The following MMP26 variants were observed in gnomAD, a reference collection of about 807,000 sequenced individuals.
MMP26 encodes matrix metalloproteinase-26.
A neutral mutation model predicts 31.0 loss-of-function variants in MMP26; 33 were observed. The ratio of observed to expected loss-of-function variants is 1.06; its 90% CI spans 0.81 to 1.42. The LOEUF (loss-of-function observed/expected upper bound fraction) is 1.42. Ranked by LOEUF, MMP26 falls within the 40% of genes most tolerant of loss-of-function variation. The probability of loss-of-function intolerance (pLI) is 0.00; values close to 1 mark genes in which losing one functional copy is unlikely to be tolerated. For missense variants in MMP26, 347 were observed against 316.1 expected, an observed-to-expected ratio of 1.10 and a Z score of -0.74; for synonymous variants, 122 against 114.9, an observed-to-expected ratio of 1.06 and a Z score of -0.40.
chr11:4,885,894 A>C (rs1412994284), intron 2 of MMP26, among the ~76,000 whole-genome samples: 1 of 152,062 alleles, frequency 6.6e-6, no homozygotes, highest in East Asian at 1.9e-4. Flanking sequence ...ATGCTTTCTT[A>C]GGTGTATGAT....
intron 2 of MMP26, among the ~76,000 whole-genome samples, chr11:4,984,550 A>C (rs1297351460): frequency 1.3e-5 from 2 of 152,130 alleles, no homozygotes; most frequent in Non-Finnish European, 2.9e-5. Context: ...TATTAATTTA[A>C]TGAATAATGG....
intron 2 of MMP26, among the ~76,000 whole-genome samples, chr11:4,785,096 C>A (rs563307446): frequency 6.6e-6 from 1 of 151,992 alleles, no homozygotes; most frequent in Non-Finnish European, 1.5e-5. Flanking sequence ...ACTGGTGTGA[C>A]CATCTCTGCA....
chr11:4,792,290 T>C (rs1038263328), intron 2 of MMP26, among the ~76,000 whole-genome samples: 2 of 152,110 alleles, frequency 1.3e-5, no homozygotes, highest in Non-Finnish European at 2.9e-5. Flanking sequence ...ATGATAATTA[T>C]GGAATTATTT....
rs573100435 is a variant in MMP26, at chr11:4,869,299, A to C, written c.-145+101958A>C. On this transcript the variant is annotated intron_variant, in intron 2 of 7. Transcript: ENST00000380390. ...ACAGGCAACCTACAGAATGGGAGAA[A>C]ATTTTTACAATCTACCCATCTGACA... 2.6e-5 allele frequency among the ~76,000 whole-genome samples: 4 copies of C among 152,308 alleles called. No individual in the cohort carries two copies. In the South Asian group the frequency reaches 8.3e-4, roughly 32 times the overall value.
intron 1 of MMP26, among the ~76,000 whole-genome samples, chr11:4,735,906 T>C (rs1848233929): frequency 6.6e-6 from 1 of 152,202 alleles, no homozygotes; most frequent in South Asian, 2.1e-4. Flanking sequence ...ATTTCAGCCA[T>C]TATTATTCAT....
intron 1 of MMP26, among the ~76,000 whole-genome samples, chr11:4,714,844 C>A (rs1029368721): frequency 7.3e-5 from 11 of 151,702 alleles, no homozygotes; most frequent in Non-Finnish European, 1.6e-4. Context: ...TGGGAGGGCA[C>A]ATAAAAGTTA....
intron 2 of MMP26, chr11:4,914,549 C>CG (rs1851043683): frequency 3.5e-6 from 2 of 572,046 alleles, no homozygotes; most frequent in African/African-American, 3.7e-5. Flanking sequence ...ATTTTACCCC[C>CG]CCCTGCCCTG....
chr11:4,830,466 T>C (rs1454773267), intron 2 of MMP26, among the ~76,000 whole-genome samples: 1 of 152,186 alleles, frequency 6.6e-6, no homozygotes, highest in African/African-American at 2.4e-5. Context: ...ATTTACATGA[T>C]GAATACAGTT....
intron 2 of MMP26, among the ~76,000 whole-genome samples, chr11:4,865,915 C>G (rs965818399): frequency 6.6e-6 from 1 of 152,070 alleles, no homozygotes; most frequent in African/African-American, 2.4e-5. Flanking sequence ...GCATCTATGG[C>G]TTTATGATAA....
At chr11:4,792,435 C>T (rs956492576) in intron 2 of MMP26, among the ~76,000 whole-genome samples, 6 of 152,088 alleles carry the variant, frequency 3.9e-5, no homozygotes, top group Non-Finnish European at 7.4e-5. Context: ...TGACAAGAAC[C>T]ACCAGGTCAC....
At chr11:4,893,544 C>G (rs1487086074) in intron 2 of MMP26, among the ~76,000 whole-genome samples, 1 of 152,130 alleles carries the variant, frequency 6.6e-6, no homozygotes, top group Non-Finnish European at 1.5e-5. Context: ...CTTTGAACAC[C>G]CTCACTGCCT....
intron 1 of MMP26, chr11:4,710,029 G>T (rs1246282415): frequency 2.2e-6 from 1 of 456,744 alleles, no homozygotes; most frequent in South Asian, 1.5e-5. Context: ...GTTCTTAGGG[G>T]AACAACAGCT....
chr11:4,819,831 C>T (rs931995843), intron 2 of MMP26, among the ~76,000 whole-genome samples: 14 of 151,972 alleles, frequency 9.2e-5, no homozygotes, highest in South Asian at 2.1e-4. Context: ...CCTCCCGCCT[C>T]GACCTCCCAA....
intron 2 of MMP26, chr11:4,804,250 CCAA>C: frequency 1.2e-6 from 2 of 1,613,838 alleles, no homozygotes; most frequent in Non-Finnish European, 8.5e-7. Context: ...AGTGATATTT[CCAA>C]CAACAGCCAC....
intron 2 of MMP26, among the ~76,000 whole-genome samples, chr11:4,851,573 T>C (rs1332701672): frequency 6.6e-6 from 1 of 152,116 alleles, no homozygotes; most frequent in East Asian, 1.9e-4. Flanking sequence ...CAGGCTTGAA[T>C]TGGATGAAAA....
chr11:4,822,060 C>T lies in MMP26; in HGVS notation c.-145+54719C>T, dbSNP rs775471879. Reference sequence around the variant, plus strand: ...TTTTGTCCACTACAGGGTTTGACTGCCCTTGCATCCTGCTCTCCTATATCC... The same window carrying T: ...TTTTGTCCACTACAGGGTTTGACTGTCCTTGCATCCTGCTCTCCTATATCC... On this transcript the variant is annotated intron_variant, in intron 2 of 7. Transcript: ENST00000380390. The T allele has an allele frequency of 2.5e-6, 4 of 1,613,512 alleles. No homozygotes were observed. In the East Asian group the frequency reaches 6.7e-5, roughly 27 times the overall value.
At position 4,992,391 on chromosome 11, in the gene MMP26, A is replaced by C; in HGVS notation, c.*149A>C. On this transcript the variant is annotated 3_prime_UTR_variant, in exon 8 of 8. Transcript: ENST00000380390. ...CAGGTTAGCTGAACCGACACTCAAA[A>C]CGCTACTGAGTCACAATAAAGATTG... The C allele has an allele frequency of 1.5e-6, 1 of 671,970 alleles. No homozygotes were observed. Among genetic ancestry groups the C allele is most frequent in the Non-Finnish European group, 2.6e-6 (1 of 388,062 alleles). The allele number at this position is 671,970 out of a possible 1,614,324, so 41.6% of individuals were successfully genotyped here. A position where few individuals can be genotyped will look rare whatever the true frequency, so the allele number is the denominator to read the frequency against.
chr11:4,923,710 A>G, intron 2 of MMP26: 1 of 1,614,048 alleles, frequency 6.2e-7, no homozygotes, highest in Non-Finnish European at 8.5e-7. Context: ...GGGAGTCCAC[A>G]CCCACGGTGC....
intron 2 of MMP26, chr11:4,803,487 T>A: frequency 6.2e-7 from 1 of 1,614,084 alleles, no homozygotes; most frequent in Non-Finnish European, 8.5e-7. Context: ...TCTGTTTGGT[T>A]CTAACTCCAT....
Sources: allele counts gnomAD v4.1 joint callset (sites outside exome capture counted in the v4.1 genomes callset), GRCh38; gene constraint gnomAD v4.1.1; transcripts MANE v1.5; gene names NCBI Gene and HGNC (gene_info 2026-07-23, HGNC 2026-07-21).